Variants in MAP1B observed in about 807,000 individuals in gnomAD.
MAP1B encodes microtubule associated protein 1B, also known as microtubule-associated protein 1B.
Under a neutral mutation model 176.1 loss-of-function variants are expected in MAP1B, and 12 were observed. The ratio of observed to expected loss-of-function variants is 0.07; its 90% CI spans 0.04 to 0.11. The LOEUF (loss-of-function observed/expected upper bound fraction) is 0.11. MAP1B is among the 10% of genes least tolerant of loss of function. The pLI is 1.00. For missense variants in MAP1B, 2,523 were observed against 2,990.5 expected (o/e 0.84, Z 3.65); for synonymous variants, 1,044 against 1,135.0 (o/e 0.92, Z 1.61).
chr5:72,199,149 A>G lies in MAP1B; in HGVS notation c.5794A>G (p.Thr1932Ala). 6.2e-7 allele frequency: 1 copy of G among 1,614,132 alleles called. No homozygotes were observed. Among genetic ancestry groups the G allele is most frequent in the Non-Finnish European group, 8.5e-7 (1 of 1,180,040 alleles). ...TGAGACCATTGGGAAAACTACCAAGACCCCTGAAGATGGTGACTATTCCTA... is the reference window on the plus strand; with the variant it reads ...TGAGACCATTGGGAAAACTACCAAGGCCCCTGAAGATGGTGACTATTCCTA... ...SYETIGKTTK[T>A]PEDGDYSYEI... The change falls in exon 5 of 7, where the codon ACC becomes GCC. Residue 1932 changes from threonine to alanine, a missense_variant. Physicochemically the swap from Thr to Ala is moderately conservative, Grantham distance 58. Coordinates refer to ENST00000296755, the MANE Select transcript of MAP1B (RefSeq NM_005909.5). This position sits in a 1 kb window ranked among gnomAD's most constrained non-coding sequence, Gnocchi z 4.2.
intron 2 of MAP1B, among the ~76,000 whole-genome samples, chr5:72,117,578 A>C (rs562329645): frequency 6.6e-6 from 1 of 152,354 alleles, no homozygotes; most frequent in South Asian, 2.1e-4. Context: ...TGGAGTAGGA[A>C]GATCAAGTTC....
intron 2 of MAP1B, among the ~76,000 whole-genome samples, chr5:72,143,089 G>A (rs926752954): frequency 3.3e-5 from 5 of 152,032 alleles, no homozygotes; most frequent in South Asian, 2.1e-4. Context: ...GAGTGTGTGC[G>A]TGAGTGTGTG....
intron 2 of MAP1B, among the ~76,000 whole-genome samples, chr5:72,145,206 C>T (rs1281431309): frequency 6.6e-6 from 1 of 152,130 alleles, no homozygotes; most frequent in Non-Finnish European, 1.5e-5. Flanking sequence ...AAAATGCTCA[C>T]CAACACAGTA....
At chr5:72,138,862 A>T (rs1248421329) in intron 2 of MAP1B, among the ~76,000 whole-genome samples, 1 of 152,212 alleles carries the variant, frequency 6.6e-6, no homozygotes, top group Non-Finnish European at 1.5e-5. Flanking sequence ...GTTATCACTG[A>T]GCAGTAGGTG....
intron 1 of MAP1B, among the ~76,000 whole-genome samples, chr5:72,108,953 G>C (rs922429245): frequency 3.3e-5 from 5 of 152,226 alleles, no homozygotes; most frequent in Admixed American, 1.3e-4. Flanking sequence ...GCGTTTCTCC[G>C]GGAGACACCG....
chr5:72,178,916 A>G (rs780611999), intron 2 of MAP1B, among the ~76,000 whole-genome samples: 1 of 152,208 alleles, frequency 6.6e-6, no homozygotes, highest in Non-Finnish European at 1.5e-5. Context: ...AAACCTTATA[A>G]GACACATAGG....
chr5:72,193,740 C>T, intron 4 of MAP1B, 126 bp from the exon 5 acceptor site: 1 of 1,004,184 alleles, frequency 1.0e-6, no homozygotes. Context: ...TATGAGAGTG[C>T]ATGTCTGAAA....
intron 2 of MAP1B, among the ~76,000 whole-genome samples, chr5:72,139,741 T>A (rs1745911953): frequency 6.6e-6 from 1 of 152,178 alleles, no homozygotes; most frequent in African/African-American, 2.4e-5. Context: ...GTATATAGTT[T>A]AACAATGTAT....
chr5:72,125,318 TTG>T (rs1004626593), intron 2 of MAP1B, among the ~76,000 whole-genome samples: 2 of 151,942 alleles, frequency 1.3e-5, no homozygotes, highest in Non-Finnish European at 1.5e-5. Context: ...GCATATGTGT[TTG>T]TGTGTGTGTG....
chr5:72,134,708 TCTC>T (rs1026803853), intron 2 of MAP1B, among the ~76,000 whole-genome samples: 3 of 151,656 alleles, frequency 2.0e-5, no homozygotes, highest in Non-Finnish European at 2.9e-5. Context: ...GCCTGGGAAA[TCTC>T]CTCCTTTTCT....
In MAP1B at chr5:72,197,150, A is replaced by G. The variant is rs751004519; in HGVS notation, c.3795A>G (p.Ser1265=). The change falls in exon 5 of 7, where the codon TCA becomes TCG. Residue 1265 remains serine, a synonymous_variant. Transcript: ENST00000296755. ...KSPSLSPSPP[S]PLEKTPLGER... is the part of the protein sequence containing the mutation. ...CGTCCCTGAGTCCATCTCCACCATC[A>G]CCCTTAGAAAAGACCCCCCTGGGTG... 4 of 1,614,032 alleles carry G rather than the reference A, an allele frequency of 2.5e-6. No individual in the cohort carries two copies. Among genetic ancestry groups the G allele is most frequent in the Admixed American group, 1.7e-5 (1 of 60,012 alleles).
intron 2 of MAP1B, among the ~76,000 whole-genome samples, chr5:72,120,408 C>T (rs1291335139): frequency 6.6e-6 from 1 of 151,346 alleles, no homozygotes; most frequent in Non-Finnish European, 1.5e-5. Context: ...TGATCAGTTC[C>T]ACCTCATAGT....
At position 72,119,803 on chromosome 5, in the gene MAP1B, G is replaced by A. The variant is rs3112403; in HGVS notation, c.286+4004G>A. 5.2e-3 allele frequency among the ~76,000 whole-genome samples: 788 copies of A among 152,208 alleles called. 6 individuals are homozygous for A. The highest frequency in any genetic ancestry group is 0.01 in the Admixed American group (154 of 15,298). On this transcript the variant is annotated intron_variant, in intron 2 of 6. Transcript: ENST00000296755. ...ATTATAGGTGTGAGCCACTGTGCCC[G>A]GCCAGAACAACAGTCTTATATTTCT...
intron 2 of MAP1B, among the ~76,000 whole-genome samples, chr5:72,124,670 A>T (rs1280432491): frequency 6.6e-6 from 1 of 152,236 alleles, no homozygotes; most frequent in Non-Finnish European, 1.5e-5. Context: ...GAAGTCCTCT[A>T]AACACGCACT....
rs200451397 is a variant in MAP1B at position 72,197,574 on chromosome 5, G to C, written c.4219G>C (p.Glu1407Gln). 3.7e-6 allele frequency: 6 copies of C among 1,614,184 alleles called. No homozygotes were observed. In the African/African-American group the frequency reaches 4.0e-5, roughly 11 times the overall value. Residue 1407 changes from glutamate (E) to glutamine (Q), a missense_variant, in exon 5 of 7, where the codon GAG becomes CAG. Physicochemically the swap from Glu to Gln is conservative, Grantham distance 29 (BLOSUM62 2). Around this residue, in one of 4 missense-constraint regions of MAP1B, gnomAD observed 1,925 missense variants for 2,126.0 expected, o/e 0.91. Coordinates refer to ENST00000296755, the MANE Select transcript of MAP1B (RefSeq NM_005909.5). ...PLRSPPLIGS[E>Q]SAYESFLSAD... is the part of the protein sequence containing the mutation. ...ACGCAGCCCGCCCCTCATTGGATCC[G>C]AGTCTGCTTATGAAAGTTTTCTAAG...
In MAP1B at chr5:72,199,128, A is replaced by G. The variant is rs1580027772; in HGVS notation, c.5773A>G (p.Thr1925Ala). 6.2e-7 allele frequency: 1 copy of G among 1,614,118 alleles called. No homozygotes were observed. Among genetic ancestry groups the G allele is most frequent in the East Asian group, 2.2e-5 (1 of 44,890 alleles). ...SPSDSGYSYE[T>A]IGKTTKTPED... The stretch of plus-strand genomic sequence containing the variant: ...AAGTGACAGTGGCTACTCCTATGAG[A>G]CCATTGGGAAAACTACCAAGACCCC... Residue 1925 changes from threonine to alanine, a missense_variant, in exon 5 of 7, where the codon ACC becomes GCC. Physicochemically the swap from Thr to Ala is moderately conservative, Grantham distance 58. Around this residue, in one of 4 missense-constraint regions of MAP1B, gnomAD observed 1,925 missense variants for 2,126.0 expected, o/e 0.91. Coordinates refer to ENST00000296755, the MANE Select transcript of MAP1B (RefSeq NM_005909.5). The surrounding 1 kb of genome is among the most constrained non-coding windows in gnomAD (Gnocchi z 4.2).
At chr5:72,131,310 T>G (rs1745728664) in intron 2 of MAP1B, among the ~76,000 whole-genome samples, 1 of 152,174 alleles carries the variant, frequency 6.6e-6, no homozygotes, top group South Asian at 2.1e-4. Flanking sequence ...ATTTTTCCCT[T>G]TTTAAAAATT....
intron 2 of MAP1B, among the ~76,000 whole-genome samples, chr5:72,181,723 A>ATTTTT (rs33951504): frequency 7.2e-6 from 1 of 138,500 alleles, no homozygotes; most frequent in Non-Finnish European, 1.5e-5. Context: ...ACACCCAGCT[A>ATTTTT]TTTTTTTTTT....
intron 2 of MAP1B, among the ~76,000 whole-genome samples, chr5:72,155,473 G>A (rs1250193123): frequency 6.6e-6 from 1 of 152,246 alleles, no homozygotes; most frequent in Non-Finnish European, 1.5e-5. Context: ...ATAAGAATAT[G>A]TGACAGATTA....
Sources: allele counts gnomAD v4.1 joint callset (sites outside exome capture counted in the v4.1 genomes callset), GRCh38; gene constraint gnomAD v4.1.1; regional missense constraint gnomAD v4.1.1; non-coding constraint Gnocchi (gnomAD v3.1); transcripts MANE v1.5; gene names NCBI Gene and HGNC (gene_info 2026-07-23, HGNC 2026-07-21).